Variants in PLXNC1 observed in about 807,000 individuals in gnomAD.
PLXNC1 encodes plexin C1, also known as plexin-C1.
A neutral mutation model predicts 178.2 loss-of-function variants in PLXNC1; 75 were observed. The observed-to-expected ratio is 0.42, with a 90% CI of 0.35 to 0.51. PLXNC1 has a LOEUF of 0.51. Ranked by LOEUF, PLXNC1 falls within the 20% of genes least tolerant of loss-of-function variation. The pLI is 0.02. For synonymous variants in PLXNC1, 790 were observed against 779.9 expected (o/e 1.01, Z -0.22); for missense variants, 1,503 against 1,984.4 (o/e 0.76, Z 4.61).
At chr12:94,270,785 A>G (rs1395206618) in intron 21 of PLXNC1, among the ~76,000 whole-genome samples, 2 of 151,992 alleles carry the variant, frequency 1.3e-5, no homozygotes, top group Non-Finnish European at 2.9e-5. Context: ...TTTAAATGGA[A>G]AAAGGCTCTC....
intron 17 of PLXNC1, among the ~76,000 whole-genome samples, chr12:94,258,128 A>G (rs1344235030): frequency 6.6e-6 from 1 of 152,214 alleles, no homozygotes; most frequent in East Asian, 1.9e-4. Context: ...CTCCGTCTCA[A>G]AAAAACAAAA....
Position 94,243,966 on chromosome 12 carries a change from A to G in PLXNC1, c.2329A>G (p.Arg777Gly). 6.2e-7 allele frequency: 1 copy of G among 1,600,468 alleles called. No homozygotes were observed. The highest frequency in any genetic ancestry group is 2.2e-5 in the East Asian group (1 of 44,644). Residue 777 changes from arginine to glycine, a missense_variant, in exon 12 of 31, where the codon AGA (arginine) becomes GGA (glycine). Transcript: ENST00000258526. ...SGGQNITMMG[R>G]NFDVIDNLII... is the part of the protein sequence containing the mutation. The stretch of plus-strand genomic sequence containing the variant: ...TGGTCAAAATATAACCATGATGGGC[A>G]GAAATTTTGATGTAATTGACAACTT...
rs1327123196 is a variant in PLXNC1 at position 94,259,243 on chromosome 12, T to C, written c.3088-94T>C. ...GCTTCAGATTAGCAAATAGTGTCTC[T>C]ACTTTATTAAAACGGACTTGGGTAT... On this transcript the variant is annotated intron_variant, in intron 17 of 30. Coordinates refer to ENST00000258526, the MANE Select transcript of PLXNC1 (RefSeq NM_005761.3). 4 of 892,192 alleles carry C rather than the reference T, an allele frequency of 4.5e-6. No individual in the cohort carries two copies. In the African/African-American group the frequency reaches 5.1e-5, roughly 11 times the overall value. The allele number at this position is 892,192 out of a possible 1,614,324, so 55.3% of individuals were successfully genotyped here. A position where few individuals can be genotyped will look rare whatever the true frequency, so the allele number is the denominator to read the frequency against.
At chr12:94,200,717 G>A (rs1159146911) in intron 4 of PLXNC1, among the ~76,000 whole-genome samples, 2 of 151,962 alleles carry the variant, frequency 1.3e-5, no homozygotes, top group Non-Finnish European at 2.9e-5. Flanking sequence ...TTTTTAAATG[G>A]CTCCCCTAAA....
intron 9 of PLXNC1, chr12:94,227,469 C>T: frequency 2.7e-6 from 1 of 365,558 alleles, no homozygotes; most frequent in Non-Finnish European, 5.0e-6. Context: ...TGATGTTGCT[C>T]TGGTCGAAAT....
Position 94,209,575 on chromosome 12 carries a change from G to C in PLXNC1, c.1440-15G>C, listed in dbSNP as rs761353158. The stretch of plus-strand genomic sequence containing the variant: ...ACACGTATGGGGTCGCTGTTTTGTT[G>C]CCTCGTTTTTTTAGGTGCACTTTTC... On this transcript the variant is annotated splice_polypyrimidine_tract_variant and intron_variant, in intron 4 of 30. Coordinates refer to ENST00000258526, the MANE Select transcript of PLXNC1 (RefSeq NM_005761.3). The C allele has an allele frequency of 9.4e-6, 13 of 1,388,154 alleles. No individual in the cohort carries two copies. In the South Asian group the frequency reaches 1.5e-4, roughly 16 times the overall value. 86.0% of individuals were successfully genotyped at this position (1,388,154 alleles called of 1,614,324 possible). A position where few individuals can be genotyped will look rare whatever the true frequency, so the allele number is the denominator to read the frequency against.
intron 21 of PLXNC1, chr12:94,277,780 G>C (rs966328798): frequency 5.5e-6 from 2 of 362,922 alleles, no homozygotes; most frequent in Non-Finnish European, 5.5e-6. Flanking sequence ...TTTTATTGCC[G>C]ATACTATCAT....
At chr12:94,302,844 A>T (rs771457753) in intron 28 of PLXNC1, among the ~76,000 whole-genome samples, 10 of 152,212 alleles carry the variant, frequency 6.6e-5, no homozygotes, top group Non-Finnish European at 1.3e-4. Flanking sequence ...ACTAGTCTTT[A>T]TCATTGTACT....
intron 21 of PLXNC1, among the ~76,000 whole-genome samples, chr12:94,277,498 G>A (rs7973179): frequency 0.11 from 17,299 of 152,168 alleles, 1,103 homozygotes; most frequent in Admixed American, 0.16. Flanking sequence ...AGAACTGTGC[G>A]GTTACTGTTG....
At chr12:94,156,144 C>T (rs910980824) in intron 1 of PLXNC1, among the ~76,000 whole-genome samples, 4 of 152,154 alleles carry the variant, frequency 2.6e-5, no homozygotes, top group East Asian at 1.9e-4. Flanking sequence ...TCTGGATTCA[C>T]GAGTTAATAA....
chr12:94,189,373 C>G (rs10777584), intron 4 of PLXNC1, among the ~76,000 whole-genome samples: 113,289 of 152,064 alleles, frequency 0.75, 43,118 homozygotes, highest in East Asian at 0.97. Context: ...GTTGGAAGTT[C>G]AAGTTGAGTT....
In PLXNC1 at chr12:94,260,723, G is replaced by A. The variant is rs372597528; in HGVS notation, c.3333G>A (p.Arg1111=). The part of the protein sequence containing the change: ...YLTSILEVLT[R]DLMEQCSNMQ... ...CCAGCATCCTAGAGGTGCTGACCAG[G>A]GACTTGATGGAACAGTGTAGTAACA... Residue 1111 remains arginine, a synonymous_variant, in exon 20 of 31, where the codon AGG becomes AGA. Coordinates refer to ENST00000258526, the MANE Select transcript of PLXNC1 (RefSeq NM_005761.3). The surrounding 1 kb of genome is among the most constrained non-coding windows in gnomAD (Gnocchi z 4.4). The A allele has an allele frequency of 1.8e-5, 29 of 1,614,018 alleles. No individual in the cohort carries two copies. The highest frequency in any genetic ancestry group is 2.5e-5 in the Non-Finnish European group (29 of 1,180,002).
At chr12:94,274,155 T>TTAAAAAAAAA (rs1190908348) in intron 21 of PLXNC1, among the ~76,000 whole-genome samples, 1 of 45,376 alleles carries the variant, frequency 2.2e-5, no homozygotes, top group African/African-American at 1.2e-4. Context: ...ACCCTGTCTC[T>TTAAAAAAAAA]AAAAAAAAAA....
intron 4 of PLXNC1, among the ~76,000 whole-genome samples, chr12:94,194,105 G>T (rs1020915450): frequency 6.6e-6 from 1 of 152,100 alleles, no homozygotes; most frequent in African/African-American, 2.4e-5. Context: ...GGGAAAGCAG[G>T]GCACGTCTTA....
At chr12:94,169,358 A>ATT (rs3214968) in intron 2 of PLXNC1, 65 bp downstream of exon 2, 141 of 1,327,348 alleles carry the variant, frequency 1.1e-4, no homozygotes, top group African/African-American at 2.6e-4. Flanking sequence ...TTAAAAAAAC[A>ATT]TTTTTTTAAT....
At position 94,268,612 on chromosome 12, in the gene PLXNC1, T is replaced by TA. The variant is rs1555205751; in HGVS notation, c.3597+3389dup. Among the ~76,000 whole-genome samples, 291 of 130,750 alleles carry TA rather than the reference T, an allele frequency of 2.2e-3. 10 individuals carry two copies. Among genetic ancestry groups the TA allele is most frequent in the South Asian group, 8.1e-3 (34 of 4,178 alleles). 85.8% of individuals were successfully genotyped at this position (130,750 alleles called of 152,430 possible). On this transcript the variant is annotated intron_variant, in intron 21 of 30. Transcript: ENST00000258526. ...CCTTTTTTTTTTTTTTTTTTTTTTT[T>TA]AATTTAAGGAATACCACTCTAGTGC...
rs3032367 is a variant in PLXNC1, at chr12:94,215,556, TGATAGATA to T, written c.1555-4431_1555-4424del. 7.8e-3 allele frequency among the ~76,000 whole-genome samples: 1,159 copies of T among 149,328 alleles called. 18 individuals carry two copies. Among genetic ancestry groups the T allele is most frequent in the African/African-American group, 0.026 (1,058 of 40,692 alleles). On this transcript the variant is annotated intron_variant, in intron 5 of 30. Transcript: ENST00000258526. ...ACTCCCATTAGATTGCAAACATAGA[TGATAGATA>T]GATAGATAGATAGATAGATAGATAG... is the stretch of plus-strand genomic sequence containing the variant.
chr12:94,224,417 T>C (rs1340162469), intron 7 of PLXNC1, 102 bp downstream of exon 7: 3 of 761,376 alleles, frequency 3.9e-6, no homozygotes, highest in Non-Finnish European at 4.7e-6. Context: ...AGACAGAACT[T>C]TCCAAAATGC....
At chr12:94,150,876 T>C (rs3847798) in intron 1 of PLXNC1, 95,831 of 152,222 alleles carry the variant, frequency 0.63, 30,187 homozygotes, top group East Asian at 0.67. Flanking sequence ...AGGCAAGCGA[T>C]ACAGGTTTCC....
Sources: gnomAD v4.1 joint callset for allele counts (sites outside exome capture counted in the v4.1 genomes callset) on GRCh38, gnomAD v4.1.1 for gene constraint, Gnocchi (gnomAD v3.1) non-coding constraint, MANE v1.5 for transcripts, NCBI Gene and HGNC (gene_info 2026-07-23, HGNC 2026-07-21) for gene names.